Variants in MYO1E observed in about 807,000 individuals in gnomAD.
MYO1E encodes the protein myosin IE.
In MYO1E, 68 loss-of-function variants were observed where a neutral mutation model predicts 151.1. That is an observed-to-expected ratio of 0.45 (90% CI 0.37 to 0.55). MYO1E has a LOEUF of 0.55. Ranked by LOEUF, MYO1E falls within the 20% of genes least tolerant of loss-of-function variation. The pLI, the probability that MYO1E is intolerant of heterozygous loss-of-function variation, is 0.00. For missense variants in MYO1E, 1,363 were observed against 1,389.3 expected (o/e 0.98, Z 0.30); for synonymous variants, 601 against 501.7 (o/e 1.20, Z -2.64).
At position 59,299,725 on chromosome 15, in the gene MYO1E, AT is replaced by A. The variant is rs1321923401; in HGVS notation, c.4-27277del. ...AGAAGACTGTGAGTTCACACAAATC[AT>A]TGATCTTTCTTGACAACTGAATCCT... On this transcript the variant is annotated intron_variant, in intron 1 of 27. Transcript: ENST00000288235. Among the ~76,000 whole-genome samples the A allele has an allele frequency of 1.3e-5, 2 of 152,246 alleles. 1 individual carries two copies. Among genetic ancestry groups the A allele is most frequent in the Non-Finnish European group, 2.9e-5 (2 of 68,040 alleles).
At position 59,195,447 on chromosome 15, in the gene MYO1E, G is replaced by A. The variant is rs377578508; in HGVS notation, c.1805+14C>T. On this transcript the variant is annotated intron_variant, in intron 17 of 27. Coordinates refer to ENST00000288235, the MANE Select transcript of MYO1E (RefSeq NM_004998.4). ...AAAGGTCCCGGCCCCACCTAAGCCG[G>A]TTTCCCCCGATACCTGCTTTCCTCC... 45 of 1,605,186 alleles carry A rather than the reference G, an allele frequency of 2.8e-5. No individual in the cohort carries two copies. Among genetic ancestry groups the A allele is most frequent in the South Asian group, 2.8e-4 (25 of 90,894 alleles).
intron 6 of MYO1E, among the ~76,000 whole-genome samples, chr15:59,229,916 GT>G (rs1290133760): frequency 6.6e-6 from 1 of 151,250 alleles, no homozygotes; most frequent in African/African-American, 2.4e-5. Flanking sequence ...TCTGTAATCT[GT>G]TTTTTTAATT....
chr15:59,251,245 A>C (rs530536303), intron 4 of MYO1E, among the ~76,000 whole-genome samples: 1 of 152,340 alleles, frequency 6.6e-6, no homozygotes, highest in South Asian at 2.1e-4. Context: ...CATCTGATCA[A>C]GTCATTAGAT....
intron 1 of MYO1E, among the ~76,000 whole-genome samples, chr15:59,338,162 A>T (rs1428784668): frequency 9.8e-6 from 1 of 102,536 alleles, no homozygotes; most frequent in East Asian, 7.4e-4. Flanking sequence ...TTCAAGTCTA[A>T]AAAAAAAAAC....
At chr15:59,187,789 T>C (rs1458609990) in intron 18 of MYO1E, among the ~76,000 whole-genome samples, 1 of 152,202 alleles carries the variant, frequency 6.6e-6, no homozygotes, top group African/African-American at 2.4e-5. Flanking sequence ...CATGGATGAA[T>C]CTTATGTTCA....
chr15:59,243,319 T>G (rs2140362075), intron 4 of MYO1E, among the ~76,000 whole-genome samples: 1 of 152,238 alleles, frequency 6.6e-6, no homozygotes, highest in South Asian at 2.1e-4. Flanking sequence ...AGGAACACAC[T>G]GAAATATTGT....
chr15:59,162,232 G>GA (rs1219196706), intron 23 of MYO1E, among the ~76,000 whole-genome samples: 1 of 152,004 alleles, frequency 6.6e-6, no homozygotes, highest in Non-Finnish European at 1.5e-5. Flanking sequence ...TTTTTGTAGA[G>GA]ATGTGGTCTT....
intron 1 of MYO1E, among the ~76,000 whole-genome samples, chr15:59,302,180 G>T (rs79780146): frequency 0.022 from 3,294 of 152,268 alleles, 119 homozygotes; most frequent in African/African-American, 0.072. Context: ...ACACCTTGAG[G>T]CTAACAGAAA....
intron 3 of MYO1E, among the ~76,000 whole-genome samples, chr15:59,258,368 A>AT (rs2080206094): frequency 6.6e-6 from 1 of 152,210 alleles, no homozygotes; most frequent in South Asian, 2.1e-4. Context: ...CAAACAAAAA[A>AT]ATATATATCT....
chr15:59,198,700 G>A (rs1048999240), intron 16 of MYO1E, among the ~76,000 whole-genome samples: 2 of 151,918 alleles, frequency 1.3e-5, no homozygotes, highest in Non-Finnish European at 2.9e-5. Flanking sequence ...GCCACCTGTA[G>A]TCCAGCCACG....
intron 1 of MYO1E, among the ~76,000 whole-genome samples, chr15:59,370,881 A>G (rs2080940518): frequency 6.6e-6 from 1 of 152,224 alleles, no homozygotes; most frequent in African/African-American, 2.4e-5. Context: ...AAATGATTAC[A>G]GCAATTCTCA....
chr15:59,176,449 C>CTTTTTTTTTTTTTTTTTTTTTTTTT, intron 19 of MYO1E, among the ~76,000 whole-genome samples: 1 of 111,982 alleles, frequency 8.9e-6, no homozygotes, highest in Non-Finnish European at 2.0e-5. Flanking sequence ...TTTCTTTTTC[C>CTTTTTTTTTTTTTTTTTTTTTTTTT]TTTTTTTTTT....
chr15:59,300,658 G>A (rs1229306421), intron 1 of MYO1E, among the ~76,000 whole-genome samples: 2 of 152,060 alleles, frequency 1.3e-5, no homozygotes, highest in South Asian at 2.1e-4. Flanking sequence ...TCGCCTTCTA[G>A]CTATAAATCT....
intron 13 of MYO1E, among the ~76,000 whole-genome samples, chr15:59,209,542 G>T (rs1027309500): frequency 6.6e-6 from 1 of 151,950 alleles, no homozygotes; most frequent in Non-Finnish European, 1.5e-5. Flanking sequence ...CAGGTGTGGT[G>T]GTGGGCGCCT....
At chr15:59,371,673 G>C (rs377402640) in intron 1 of MYO1E, among the ~76,000 whole-genome samples, 52 of 152,274 alleles carry the variant, frequency 3.4e-4, no homozygotes, top group African/African-American at 1.3e-3. Context: ...CTCGAAACTC[G>C]CGAGGGCGTC....
At chr15:59,217,825 G>A in intron 10 of MYO1E, 66 bp downstream of exon 10, 1 of 1,568,908 alleles carries the variant, frequency 6.4e-7, no homozygotes, top group Non-Finnish European at 8.8e-7. Flanking sequence ...ACCGCACCCA[G>A]CCTACTAGTT....
At chr15:59,321,164 T>C (rs1241828759) in intron 1 of MYO1E, among the ~76,000 whole-genome samples, 4 of 152,170 alleles carry the variant, frequency 2.6e-5, no homozygotes, top group Admixed American at 2.6e-4. Flanking sequence ...GAATGGTTAT[T>C]AGAAAGTCAA....
At chr15:59,338,007 G>A (rs550938139) in intron 1 of MYO1E, among the ~76,000 whole-genome samples, 1 of 152,132 alleles carries the variant, frequency 6.6e-6, no homozygotes, top group Non-Finnish European at 1.5e-5. Flanking sequence ...ACTCAACTGA[G>A]AAATGTCAGC....
intron 5 of MYO1E, among the ~76,000 whole-genome samples, chr15:59,236,142 G>C (rs1566988224): frequency 1.3e-5 from 2 of 151,878 alleles, no homozygotes; most frequent in Non-Finnish European, 2.9e-5. Flanking sequence ...AGGAGTTCGA[G>C]ACCAGACTGG....
Sources: allele counts gnomAD v4.1 joint callset (sites outside exome capture counted in the v4.1 genomes callset), GRCh38; gene constraint gnomAD v4.1.1; transcripts MANE v1.5; gene names NCBI Gene and HGNC (gene_info 2026-07-23, HGNC 2026-07-21).